DIAPH2: variants seen among roughly 807,000 people sequenced by gnomAD.
DIAPH2 encodes diaphanous related formin 2.
DIAPH2 carries 35 observed loss-of-function variants against 92.7 expected under a neutral mutation model. That is an observed-to-expected ratio of 0.38 (90% CI 0.29 to 0.50). The LOEUF (loss-of-function observed/expected upper bound fraction) is 0.50, where lower values mean the gene tolerates loss of function less well. DIAPH2 is among the 20% of genes least tolerant of loss of function. The pLI, the probability that DIAPH2 is intolerant of heterozygous loss-of-function variation, is 0.94. For synonymous variants in DIAPH2, 301 were observed against 280.4 expected, an observed-to-expected ratio of 1.07 and a Z score of -0.73; for missense variants, 701 against 819.5, an observed-to-expected ratio of 0.86 and a Z score of 1.77.
intron 24 of DIAPH2, among the ~76,000 whole-genome samples, chrX:97,358,333 T>C (rs1569372482): frequency 9.0e-6 from 1 of 111,508 alleles, no homozygotes; most frequent in Non-Finnish European, 1.9e-5. Flanking sequence ...TTATCACAAC[T>C]AAGTAGGATC....
intron 22 of DIAPH2, among the ~76,000 whole-genome samples, chrX:97,188,672 A>G (rs974423269): frequency 1.8e-5 from 2 of 112,636 alleles, no homozygotes; most frequent in Non-Finnish European, 3.7e-5. Context: ...TATAACTTTA[A>G]TAACAGACAG....
intron 5 of DIAPH2, among the ~76,000 whole-genome samples, chrX:96,906,108 GGC>G (rs2065432145): frequency 8.9e-6 from 1 of 112,425 alleles, no homozygotes; most frequent in Non-Finnish European, 1.9e-5. Flanking sequence ...CAGCCTGGGA[GGC>G]AGCGAGACTC....
intron 25 of DIAPH2, among the ~76,000 whole-genome samples, chrX:97,415,619 C>T (rs1202791705): frequency 1.9e-5 from 2 of 106,220 alleles, no homozygotes; most frequent in Admixed American, 1.0e-4. Context: ...AACCAAACAC[C>T]GCATGTTCTC....
chrX:97,018,145 C>T (rs1465505349), intron 17 of DIAPH2, among the ~76,000 whole-genome samples: 1 of 111,921 alleles, frequency 8.9e-6, no homozygotes. Flanking sequence ...CCTTTCACAC[C>T]AACATCATAT....
intron 24 of DIAPH2, among the ~76,000 whole-genome samples, chrX:97,381,466 A>G (rs759081037): frequency 8.9e-6 from 1 of 112,166 alleles, no homozygotes; most frequent in Non-Finnish European, 1.9e-5. Context: ...TTTAGTATCA[A>G]TATATCCTAA....
At chrX:97,057,441 A>G (rs752590710) in intron 17 of DIAPH2, among the ~76,000 whole-genome samples, 28 of 111,641 alleles carry the variant, frequency 2.5e-4, no homozygotes, top group Non-Finnish European at 4.0e-4. Flanking sequence ...ATGACTGCAA[A>G]TGCAGTTAGT....
intron 5 of DIAPH2, among the ~76,000 whole-genome samples, chrX:96,910,393 C>A (rs755263825): frequency 1.8e-5 from 2 of 110,779 alleles, no homozygotes; most frequent in Non-Finnish European, 3.8e-5. Context: ...TTGTGGATGG[C>A]GATTGGTTCT....
chrX:97,086,725 G>A (rs1323196678), intron 19 of DIAPH2, among the ~76,000 whole-genome samples: 2 of 111,482 alleles, frequency 1.8e-5, no homozygotes, highest in African/African-American at 6.5e-5. Flanking sequence ...TAAAACTAAA[G>A]TAAGCTTTAT....
intron 23 of DIAPH2, among the ~76,000 whole-genome samples, chrX:97,260,525 AC>A (rs1466836771): frequency 8.9e-6 from 1 of 112,136 alleles, no homozygotes; most frequent in Non-Finnish European, 1.9e-5. Flanking sequence ...ACAGTTTGGT[AC>A]CTTGGCGATG....
At chrX:97,058,883 G>C (rs1213240871) in intron 17 of DIAPH2, among the ~76,000 whole-genome samples, 2 of 111,945 alleles carry the variant, frequency 1.8e-5, no homozygotes, top group Non-Finnish European at 3.8e-5. Context: ...ACTTAGATAA[G>C]TCAATAAGAT....
In DIAPH2 at chrX:96,937,180, T is replaced by C. The variant is rs1269261771; in HGVS notation, c.1090-53T>C. ...TGTGTTCTGCCCTTTATTACCTAAA[T>C]ATGCCGTTGTCAAACTGTTATTCAT... On this transcript the variant is annotated intron_variant, in intron 10 of 26. Coordinates refer to ENST00000324765, the MANE Select transcript of DIAPH2 (RefSeq NM_006729.5). The C allele has an allele frequency of 4.7e-6, 3 of 635,696 alleles. No homozygotes were observed. In the African/African-American group the frequency reaches 6.7e-5, roughly 14 times the overall value. 52.4% of individuals were successfully genotyped at this position (635,696 alleles called of 1,213,427 possible). A position where few individuals can be genotyped will look rare whatever the true frequency, so the allele number is the denominator to read the frequency against.
intron 26 of DIAPH2, among the ~76,000 whole-genome samples, chrX:97,591,511 G>A (rs1309908094): frequency 2.7e-5 from 3 of 111,793 alleles, no homozygotes; most frequent in African/African-American, 9.7e-5. Context: ...AGAGCTGAAG[G>A]TGAATTCAAG....
chrX:97,463,592 T>C (rs1241161350), intron 26 of DIAPH2, among the ~76,000 whole-genome samples: 1 of 110,173 alleles, frequency 9.1e-6, no homozygotes. Flanking sequence ...GGTTTCACCA[T>C]GTTGGCCAGG....
intron 23 of DIAPH2, among the ~76,000 whole-genome samples, chrX:97,327,583 C>T (rs960899812): frequency 4.5e-5 from 5 of 111,374 alleles, no homozygotes; most frequent in Non-Finnish European, 7.5e-5. Context: ...CAGGTGCCTG[C>T]CACCACACCT....
intron 19 of DIAPH2, among the ~76,000 whole-genome samples, chrX:97,076,105 T>G (rs2066702735): frequency 8.9e-6 from 1 of 112,534 alleles, no homozygotes; most frequent in Non-Finnish European, 1.9e-5. Flanking sequence ...TGTCTGGCCC[T>G]GTCTGGTTTA....
chrX:97,183,515 G>C lies in DIAPH2; in HGVS notation c.2719+41721G>C, dbSNP rs193187355. ...GTGATAATTAAATGTAGTCAAATTTGTATAGATTGCAGTCTTTTCAAAAGT... is the reference window on the plus strand; with the variant it reads ...GTGATAATTAAATGTAGTCAAATTTCTATAGATTGCAGTCTTTTCAAAAGT... On this transcript the variant is annotated intron_variant, in intron 22 of 26. Coordinates refer to ENST00000324765, the MANE Select transcript of DIAPH2 (RefSeq NM_006729.5). Among the ~76,000 whole-genome samples the C allele has an allele frequency of 1.5e-3, 168 of 112,299 alleles. 1 individual carries two copies. Among genetic ancestry groups the C allele is most frequent in the African/African-American group, 5.2e-3 (161 of 31,003 alleles).
At chrX:97,401,972 G>A (rs2037842135) in intron 25 of DIAPH2, among the ~76,000 whole-genome samples, 1 of 112,506 alleles carries the variant, frequency 8.9e-6, no homozygotes, top group African/African-American at 3.2e-5. Flanking sequence ...GCAAATGAGA[G>A]GCTTGTCCTC....
rs375859982 is a variant in DIAPH2, at chrX:96,803,389, A to G, written c.447+45131A>G. ...TCAATTTATGTTTGCCTGCTCAGAAAAATTCATACAGAAAATCTGATATGT... is the reference window on the plus strand; with the variant it reads ...TCAATTTATGTTTGCCTGCTCAGAAGAATTCATACAGAAAATCTGATATGT... On this transcript the variant is annotated intron_variant, in intron 4 of 26. Coordinates refer to ENST00000324765, the MANE Select transcript of DIAPH2 (RefSeq NM_006729.5). 1.5e-4 allele frequency among the ~76,000 whole-genome samples: 17 copies of G among 112,049 alleles called. No individual in the cohort carries two copies. The East Asian group carries it at 4.5e-3, about 30-fold the overall frequency.
intron 17 of DIAPH2, among the ~76,000 whole-genome samples, chrX:96,986,001 C>T (rs1170099409): frequency 9.0e-6 from 1 of 110,807 alleles, no homozygotes; most frequent in Admixed American, 9.6e-5. Context: ...AATGCTGTTT[C>T]AAACAGATTG....
Sources: allele counts gnomAD v4.1 joint callset (sites outside exome capture counted in the v4.1 genomes callset), GRCh38; gene constraint gnomAD v4.1.1; transcripts MANE v1.5; gene names NCBI Gene and HGNC (gene_info 2026-07-23, HGNC 2026-07-21).